Variants in PARD3B observed in about 807,000 individuals in gnomAD.
PARD3B encodes the protein partitioning defective 3 homolog B.
A neutral mutation model predicts 130.2 loss-of-function variants in PARD3B; 103 were observed. The observed-to-expected ratio is 0.79, with a 90% CI of 0.67 to 0.93. PARD3B has a LOEUF of 0.93. PARD3B is among the 40% of genes least tolerant of loss of function. PARD3B has a pLI of 0.00. For missense variants in PARD3B, 1,609 were observed against 1,499.2 expected (o/e 1.07, Z -1.21); for synonymous variants, 583 against 553.2 (o/e 1.05, Z -0.76).
intron 1 of PARD3B, among the ~76,000 whole-genome samples, chr2:204,580,056 C>A (rs2032472914): frequency 6.6e-6 from 1 of 152,156 alleles, no homozygotes; most frequent in Non-Finnish European, 1.5e-5. Context: ...CTTGTTCGTT[C>A]ATTCATCATG....
intron 21 of PARD3B, among the ~76,000 whole-genome samples, chr2:205,545,956 A>T (rs531035997): frequency 1.3e-5 from 2 of 152,210 alleles, no homozygotes; most frequent in East Asian, 3.8e-4. Context: ...CTAGAAATAC[A>T]TACTAATTTA....
chr2:205,089,100 C>A (rs1701930667), intron 4 of PARD3B, among the ~76,000 whole-genome samples: 1 of 151,382 alleles, frequency 6.6e-6, no homozygotes, highest in Non-Finnish European at 1.5e-5. Context: ...CATGCCCGGC[C>A]TGCAGTGAGG....
chr2:204,744,248 C>T (rs544567734), intron 2 of PARD3B, among the ~76,000 whole-genome samples: 4 of 152,128 alleles, frequency 2.6e-5, no homozygotes, highest in East Asian at 3.9e-4. Context: ...CTCCTGTATC[C>T]GACAGACTGT....
chr2:204,779,571 C>T (rs2041765180), intron 2 of PARD3B, among the ~76,000 whole-genome samples: 1 of 152,124 alleles, frequency 6.6e-6, no homozygotes, highest in African/African-American at 2.4e-5. Flanking sequence ...AGTTCAGAAA[C>T]TCTAGAAAAC....
At chr2:205,380,903 T>TAATATATAAAGAATATATTATATAC (rs2045375013) in intron 18 of PARD3B, among the ~76,000 whole-genome samples, 2 of 96,694 alleles carry the variant, frequency 2.1e-5, no homozygotes, top group Non-Finnish European at 3.5e-5. Flanking sequence ...AGAATATATA[T>TAATATATAAAGAATATATTATATAC]AATATATAAA....
intron 3 of PARD3B, among the ~76,000 whole-genome samples, chr2:205,025,661 A>T (rs1262808212): frequency 1.3e-5 from 2 of 151,464 alleles, no homozygotes; most frequent in African/African-American, 4.9e-5. Context: ...TTTTCTGTAT[A>T]CGTGGAGCTG....
chr2:205,120,583 CGTG>C (rs1441460185), intron 7 of PARD3B, among the ~76,000 whole-genome samples: 1 of 152,156 alleles, frequency 6.6e-6, no homozygotes, highest in Non-Finnish European at 1.5e-5. Flanking sequence ...AACAAGCAAA[CGTG>C]GAAGAGGGCA....
intron 4 of PARD3B, among the ~76,000 whole-genome samples, chr2:205,069,102 T>G (rs1700565006): frequency 6.6e-6 from 1 of 152,124 alleles, no homozygotes; most frequent in Admixed American, 6.5e-5. Flanking sequence ...GTACTAAAAT[T>G]TCCTAGTGTG....
chr2:204,853,791 C>T (rs756361416), intron 2 of PARD3B, among the ~76,000 whole-genome samples: 14 of 152,162 alleles, frequency 9.2e-5, no homozygotes, highest in Non-Finnish European at 1.3e-4. Context: ...ATATAGGCCT[C>T]ATTCTAGCAG....
At chr2:205,400,647 A>T (rs1227257425) in intron 18 of PARD3B, among the ~76,000 whole-genome samples, 1 of 152,036 alleles carries the variant, frequency 6.6e-6, no homozygotes, top group South Asian at 2.1e-4. Context: ...GTCTCAAAAA[A>T]AAAAAATAAA....
intron 2 of PARD3B, among the ~76,000 whole-genome samples, chr2:204,804,021 C>T (rs533222027): frequency 4.7e-4 from 71 of 152,144 alleles, no homozygotes; most frequent in African/African-American, 1.7e-3. Context: ...TGAGACTAGT[C>T]TGGGCAACAT....
At chr2:204,916,499 A>T (rs1373414796) in intron 2 of PARD3B, among the ~76,000 whole-genome samples, 2 of 152,208 alleles carry the variant, frequency 1.3e-5, no homozygotes, top group African/African-American at 4.8e-5. Context: ...ATATGGTAGC[A>T]TATTGAATTT....
At chr2:204,631,850 T>C (rs1465668033) in intron 1 of PARD3B, among the ~76,000 whole-genome samples, 3 of 152,182 alleles carry the variant, frequency 2.0e-5, no homozygotes, top group Non-Finnish European at 4.4e-5. Context: ...TTATTTCTCC[T>C]ATGTTTATGA....
chr2:204,585,120 G>C (rs1358011683), intron 1 of PARD3B, among the ~76,000 whole-genome samples: 1 of 152,138 alleles, frequency 6.6e-6, no homozygotes, highest in East Asian at 1.9e-4. Flanking sequence ...TGTGTTGGGT[G>C]GATACCCTTG....
chr2:204,628,123 A>G (rs1361995300), intron 1 of PARD3B, among the ~76,000 whole-genome samples: 2 of 151,850 alleles, frequency 1.3e-5, no homozygotes. Flanking sequence ...CTTTGTGTAT[A>G]TGTTTAACTT....
chr2:205,267,010 G>T (rs115895828), intron 16 of PARD3B, among the ~76,000 whole-genome samples: 1 of 152,060 alleles, frequency 6.6e-6, no homozygotes, highest in African/African-American at 2.4e-5. Flanking sequence ...AGAAAAAAAG[G>T]CATTCCTCTC....
chr2:204,849,669 G>A (rs1194141502), intron 2 of PARD3B, among the ~76,000 whole-genome samples: 2 of 152,110 alleles, frequency 1.3e-5, no homozygotes, highest in Non-Finnish European at 2.9e-5. Flanking sequence ...TTAGTGACAC[G>A]TTACTTAGCA....
At chr2:205,070,261 A>G (rs1344906299) in intron 4 of PARD3B, among the ~76,000 whole-genome samples, 1 of 152,284 alleles carries the variant, frequency 6.6e-6, no homozygotes, top group African/African-American at 2.4e-5. Flanking sequence ...AATATTGTAA[A>G]TATAACACTA....
chr2:204,837,854 C>T (rs1481908198), intron 2 of PARD3B, among the ~76,000 whole-genome samples: 1 of 152,046 alleles, frequency 6.6e-6, no homozygotes, highest in Non-Finnish European at 1.5e-5. Context: ...TGAGATAACC[C>T]ATCACATATT....
Sources: gnomAD v4.1 joint callset for allele counts (sites outside exome capture counted in the v4.1 genomes callset) on GRCh38, gnomAD v4.1.1 for gene constraint, MANE v1.5 for transcripts, NCBI Gene and HGNC (gene_info 2026-07-23, HGNC 2026-07-21) for gene names.